Variants in EIF3B observed in about 807,000 individuals in gnomAD.
The protein encoded by EIF3B is eukaryotic translation initiation factor 3 subunit 9.
EIF3B carries 10 observed loss-of-function variants against 104.6 expected under a neutral mutation model. That is an observed-to-expected ratio of 0.10 (90% CI 0.06 to 0.16). EIF3B has a LOEUF of 0.16. Ranked by LOEUF, EIF3B falls within the 10% of genes least tolerant of loss-of-function variation. The probability of loss-of-function intolerance (pLI) is 1.00; values close to 1 mark genes in which losing one functional copy is unlikely to be tolerated. For missense variants in EIF3B, 1,014 were observed against 1,087.9 expected (o/e 0.93, Z 0.96); for synonymous variants, 542 against 417.2 (o/e 1.30, Z -3.65).
In EIF3B at chr7:2,366,547, T is replaced by G. The variant is rs1283380458; in HGVS notation, c.1312T>G (p.Phe438Val). 6.2e-7 allele frequency: 1 copy of G among 1,614,092 alleles called. No individual in the cohort carries two copies. The highest frequency in any genetic ancestry group is 1.3e-5 in the African/African-American group (1 of 74,942). ...TAGGTGGAGCCATGATGGCAAATTC[T>G]TTGCCAGAATGACCCTGGATACGCT... ...IFKWSHDGKFFARMTLDTLSI... is the reference protein window; with the variant it reads ...IFKWSHDGKFVARMTLDTLSI... Residue 438 changes from phenylalanine to valine, a missense_variant, in exon 8 of 19, where the codon TTT becomes GTT. Phe to Val is a conservative substitution (Grantham distance 50, BLOSUM62 -1). This residue lies in a region of EIF3B where 201 missense variants were observed against 240.7 expected (regional missense o/e 0.83). Transcript: ENST00000360876.
intron 1 of EIF3B, among the ~76,000 whole-genome samples, chr7:2,356,408 T>G (rs945083872): frequency 2.0e-5 from 3 of 152,010 alleles, no homozygotes; most frequent in African/African-American, 7.2e-5. Context: ...GTCACCATCC[T>G]GGCTAACACG....
intron 13 of EIF3B, 195 bp from the exon 14 acceptor site, chr7:2,375,194 G>C (rs1780566562): frequency 4.9e-6 from 3 of 616,892 alleles, no homozygotes; most frequent in Non-Finnish European, 8.6e-6. Context: ...GCAGTCATAT[G>C]TAATACTCAC....
In EIF3B at chr7:2,378,785, A is replaced by G; in HGVS notation, c.2232+19A>G. Reference sequence around the variant, plus strand: ...CTCAAAGGTGAGCCTCATTCCCAAAATGAGGGCTGTGCTGTGACATCCGCC... The same window carrying G: ...CTCAAAGGTGAGCCTCATTCCCAAAGTGAGGGCTGTGCTGTGACATCCGCC... On this transcript the variant is annotated intron_variant, in intron 16 of 18. Transcript: ENST00000360876. 2 of 1,607,870 alleles carry G rather than the reference A, an allele frequency of 1.2e-6. No homozygotes were observed.
rs1780858374 is a variant in EIF3B at position 2,379,193 on chromosome 7, C to T, written c.2292C>T (p.Ala764=). ...ATTTCCGGAAGTACCGGAAAATGGCCCAGGAGCTCTATATGGAGCAGAAAA... is the reference window on the plus strand; with the variant it reads ...ATTTCCGGAAGTACCGGAAAATGGCTCAGGAGCTCTATATGGAGCAGAAAA... The part of the protein sequence containing the change: ...MEDFRKYRKM[A]QELYMEQKNE... The change falls in exon 17 of 19, where the codon GCC becomes GCT. Residue 764 remains alanine, a synonymous_variant. Coordinates refer to ENST00000360876, the MANE Select transcript of EIF3B (RefSeq NM_001037283.2). The T allele has an allele frequency of 6.2e-7, 1 of 1,613,854 alleles. No homozygotes were observed. The highest frequency in any genetic ancestry group is 2.2e-5 in the East Asian group (1 of 44,882).
chr7:2,366,615 A>T (rs1395452008), intron 8 of EIF3B, 24 bp downstream of exon 8: 1 of 1,613,628 alleles, frequency 6.2e-7, no homozygotes, highest in African/African-American at 1.3e-5. Context: ...GTGATGGCAA[A>T]CGCCCCGTCC....
chr7:2,375,470 C>A lies in EIF3B; in HGVS notation c.1971C>A (p.Val657=). The A allele has an allele frequency of 1.9e-6, 3 of 1,614,178 alleles. No homozygotes were observed. Residue 657 remains valine (V), a synonymous_variant, in exon 14 of 19, where the codon GTC becomes GTA. Coordinates refer to ENST00000360876, the MANE Select transcript of EIF3B (RefSeq NM_001037283.2). The stretch of plus-strand genomic sequence containing the variant: ...CAGAGCACTACATGGCTTCCGACGT[C>A]GAATGGGATCCTACTGGGCGCTACG... ...NIAEHYMASD[V]EWDPTGRYVV...
intron 3 of EIF3B, 60 bp downstream of exon 3, chr7:2,362,824 C>G: frequency 6.2e-7 from 1 of 1,606,100 alleles, no homozygotes; most frequent in South Asian, 1.1e-5. Context: ...TGGCTGTGTG[C>G]GGGTGGCTTG....
intron 2 of EIF3B, among the ~76,000 whole-genome samples, chr7:2,361,680 A>G (rs1011825735): frequency 6.6e-6 from 1 of 152,028 alleles, no homozygotes; most frequent in Non-Finnish European, 1.5e-5. Flanking sequence ...CGGCCTCCCA[A>G]AGTGCTGGGA....
At chr7:2,375,221 GTGAT>G (rs1554275539) in intron 13 of EIF3B, 164 bp from the exon 14 acceptor site, 1 of 713,132 alleles carries the variant, frequency 1.4e-6, no homozygotes, top group Non-Finnish European at 2.4e-6. Flanking sequence ...CTCTGCATCT[GTGAT>G]TTGGTAAGTC....
intron 4 of EIF3B, among the ~76,000 whole-genome samples, chr7:2,363,427 T>G (rs1337784793): frequency 6.6e-6 from 1 of 151,726 alleles, no homozygotes; most frequent in African/African-American, 2.4e-5. Flanking sequence ...GAGCTATGAT[T>G]GTGCCACTGG....
intron 14 of EIF3B, 115 bp from the exon 15 acceptor site, chr7:2,376,835 C>G: frequency 6.9e-7 from 1 of 1,455,424 alleles, no homozygotes; most frequent in Non-Finnish European, 9.3e-7. Context: ...ACAGGCAGAG[C>G]TTTGTTTGCT....
intron 12 of EIF3B, chr7:2,373,736 C>T (rs188390056): frequency 6.6e-6 from 1 of 151,228 alleles, no homozygotes; most frequent in East Asian, 1.9e-4. Context: ...AGCAGAGGCA[C>T]CTTGTACCTT....
At position 2,379,153 on chromosome 7, in the gene EIF3B, G is replaced by A. The variant is rs375864470; in HGVS notation, c.2252G>A (p.Arg751His). Reference protein sequence around the residue: ...KASKELVERRRTMMEDFRKYR... With the variant: ...KASKELVERRHTMMEDFRKYR... ...GCATAGGAATTGGTGGAGAGAAGGC[G>A]CACCATGATGGAAGATTTCCGGAAG... Residue 751 changes from arginine to histidine, a missense_variant, in exon 17 of 19, where the codon CGC becomes CAC. Physicochemically the swap from Arg to His is conservative, Grantham distance 29. This residue lies in a region of EIF3B where 266 missense variants were observed against 324.0 expected (regional missense o/e 0.82). Coordinates refer to ENST00000360876, the MANE Select transcript of EIF3B (RefSeq NM_001037283.2). 2.3e-5 allele frequency: 37 copies of A among 1,613,808 alleles called. No homozygotes were observed. The highest frequency in any genetic ancestry group is 5.5e-5 in the South Asian group (5 of 91,048).
chr7:2,354,703 C>G (rs966545599), upstream of EIF3B, among the ~76,000 whole-genome samples: 1 of 152,140 alleles, frequency 6.6e-6, no homozygotes, highest in African/African-American at 2.4e-5. Flanking sequence ...ACAAATATAT[C>G]AGTTTGATGA....
At chr7:2,360,039 C>T (rs758436411) in intron 1 of EIF3B, among the ~76,000 whole-genome samples, 1 of 152,286 alleles carries the variant, frequency 6.6e-6, no homozygotes, top group South Asian at 2.1e-4. Context: ...TGGGGAAGCT[C>T]ACCCCAGACG....
chr7:2,365,680 G>GT lies in EIF3B; in HGVS notation c.1158-623dup, dbSNP rs368207304. 1.8e-3 allele frequency among the ~76,000 whole-genome samples: 180 copies of GT among 98,096 alleles called. 2 individuals carry two copies. The highest frequency in any genetic ancestry group is 0.018 in the South Asian group (60 of 3,422). The allele number at this position is 98,096 out of a possible 152,430, so 64.4% of individuals were successfully genotyped here. A position where few individuals can be genotyped will look rare whatever the true frequency, so the allele number is the denominator to read the frequency against. The stretch of plus-strand genomic sequence containing the variant: ...GTTTGTTTGTTTGTTTGTTTGTTTT[G>GT]TTTTTTTTTTTTTTGAAACTGAGTT... On this transcript the variant is annotated intron_variant, in intron 6 of 18. Coordinates refer to ENST00000360876, the MANE Select transcript of EIF3B (RefSeq NM_001037283.2).
At chr7:2,366,914 T>C in intron 8 of EIF3B, 85 bp from the exon 9 acceptor site, 3 of 1,424,836 alleles carry the variant, frequency 2.1e-6, no homozygotes, top group East Asian at 2.3e-5. Flanking sequence ...CATCAGACTC[T>C]TGTTTCCTTT....
At chr7:2,370,600 A>G (rs1318262829) in intron 10 of EIF3B, among the ~76,000 whole-genome samples, 1 of 152,212 alleles carries the variant, frequency 6.6e-6, no homozygotes, top group Non-Finnish European at 1.5e-5. Flanking sequence ...TAGAGTGGTG[A>G]ACTGGTTCAG....
rs145413649 is a variant in EIF3B at position 2,363,088 on chromosome 7, C to T, written c.831C>T (p.Asp277=). The T allele has an allele frequency of 1.2e-5, 20 of 1,614,048 alleles. No homozygotes were observed. The highest frequency in any genetic ancestry group is 4.4e-5 in the South Asian group (4 of 91,088). The part of the protein sequence containing the change: ...TDFDKYMTIS[D]EWDIPEKQPF... Reference sequence around the variant, plus strand: ...TCTCCAGGTATATGACGATCAGTGACGAGTGGGATATTCCAGAGAAACAGC... The same window carrying T: ...TCTCCAGGTATATGACGATCAGTGATGAGTGGGATATTCCAGAGAAACAGC... Residue 277 remains aspartate, a synonymous_variant, in exon 4 of 19, where the codon GAC becomes GAT. Transcript: ENST00000360876.
Sources: gnomAD v4.1 joint callset for allele counts (sites outside exome capture counted in the v4.1 genomes callset) on GRCh38, gnomAD v4.1.1 for gene constraint, gnomAD v4.1.1 regional missense constraint, MANE v1.5 for transcripts, NCBI Gene and HGNC (gene_info 2026-07-23, HGNC 2026-07-21) for gene names.